CDH13: variants seen among roughly 807,000 people sequenced by gnomAD.
The protein encoded by CDH13 is cadherin 13.
Under a neutral mutation model 63.8 loss-of-function variants are expected in CDH13, and 24 were observed. The observed-to-expected ratio is 0.38, with a 90% confidence interval of 0.27 to 0.53. The LOEUF (loss-of-function observed/expected upper bound fraction) is 0.53. Among genes scored for constraint, CDH13 ranks in the 20% least tolerant of loss-of-function variants. CDH13 has a pLI of 0.85. For missense variants in CDH13, 1,049 were observed against 903.1 expected (o/e 1.16, Z -2.07); for synonymous variants, 503 against 355.3 (o/e 1.42, Z -4.67).
intron 1 of CDH13, among the ~76,000 whole-genome samples, chr16:82,755,375 C>G (rs1479023961): frequency 6.6e-6 from 1 of 152,170 alleles, no homozygotes; most frequent in African/African-American, 2.4e-5. Context: ...ACAAAGGAAA[C>G]TGCTTAAGCA....
intron 4 of CDH13, among the ~76,000 whole-genome samples, chr16:83,211,796 A>G (rs1446994627): frequency 6.6e-6 from 1 of 151,620 alleles, no homozygotes; most frequent in African/African-American, 2.4e-5. Context: ...CTCTTTACCC[A>G]GGTATGAGGC....
chr16:82,938,119 C>T (rs991605012), intron 2 of CDH13, among the ~76,000 whole-genome samples: 1 of 152,172 alleles, frequency 6.6e-6, no homozygotes, highest in Non-Finnish European at 1.5e-5. Flanking sequence ...TTCCACTTGG[C>T]ATTTATTTCT....
chr16:83,025,622 C>G (rs1369935177), intron 2 of CDH13, among the ~76,000 whole-genome samples: 3 of 152,170 alleles, frequency 2.0e-5, no homozygotes, highest in Admixed American at 6.5e-5. Context: ...TTGGTGGGGA[C>G]ACAGCCAAAC....
intron 3 of CDH13, among the ~76,000 whole-genome samples, chr16:83,032,761 T>A (rs916284166): frequency 7.9e-5 from 12 of 152,184 alleles, no homozygotes; most frequent in Non-Finnish European, 1.6e-4. Context: ...GTCACATTTC[T>A]TTTCCTGAAG....
intron 7 of CDH13, among the ~76,000 whole-genome samples, chr16:83,507,927 G>A (rs959559576): frequency 1.3e-5 from 2 of 151,500 alleles, no homozygotes; most frequent in Non-Finnish European, 2.9e-5. Context: ...AGCTACTCAG[G>A]AGGCTGAAGC....
chr16:82,774,503 C>A (rs564686189), intron 1 of CDH13, among the ~76,000 whole-genome samples: 1 of 152,146 alleles, frequency 6.6e-6, no homozygotes, highest in Admixed American at 6.5e-5. Flanking sequence ...ACTGTGTATT[C>A]TTTAGGAGGT....
chr16:82,732,736 C>T (rs1024867753), intron 1 of CDH13, among the ~76,000 whole-genome samples: 4 of 152,152 alleles, frequency 2.6e-5, no homozygotes, highest in Non-Finnish European at 4.4e-5. Context: ...TACTATTATT[C>T]ATACATATTT....
chr16:83,125,195 A>C (rs1259977284), intron 3 of CDH13, among the ~76,000 whole-genome samples, 190 bp from the exon 4 acceptor site: 1 of 152,224 alleles, frequency 6.6e-6, no homozygotes, highest in African/African-American at 2.4e-5. Flanking sequence ...TGATAGTTAT[A>C]GTGAATAACA....
intron 11 of CDH13, among the ~76,000 whole-genome samples, chr16:83,778,783 C>T (rs906348969): frequency 6.6e-6 from 1 of 152,132 alleles, no homozygotes; most frequent in East Asian, 1.9e-4. Context: ...ATCCCAGCCC[C>T]CAGTGGCACC....
At chr16:83,060,936 C>G (rs2031488131) in intron 3 of CDH13, among the ~76,000 whole-genome samples, 1 of 152,332 alleles carries the variant, frequency 6.6e-6, no homozygotes, top group East Asian at 1.9e-4. Context: ...AAGCATGCCT[C>G]TGTCAACCAG....
intron 8 of CDH13, among the ~76,000 whole-genome samples, chr16:83,650,660 A>G (rs1373720522): frequency 6.6e-6 from 1 of 152,160 alleles, no homozygotes; most frequent in Non-Finnish European, 1.5e-5. Context: ...GCTGCTCAGC[A>G]TCTCCCAATG....
chr16:83,471,987 T>C (rs1002426470), intron 6 of CDH13, among the ~76,000 whole-genome samples: 3 of 152,254 alleles, frequency 2.0e-5, no homozygotes, highest in Non-Finnish European at 2.9e-5. Context: ...CTTGCTTTCA[T>C]TGAAGACTTC....
chr16:83,211,484 A>G (rs577310811), intron 4 of CDH13, among the ~76,000 whole-genome samples: 1 of 152,350 alleles, frequency 6.6e-6, no homozygotes, highest in South Asian at 2.1e-4. Flanking sequence ...CAAAGCTGCT[A>G]TATAGTCTAT....
intron 6 of CDH13, among the ~76,000 whole-genome samples, chr16:83,464,591 C>G (rs1003659938): frequency 1.3e-5 from 2 of 152,092 alleles, no homozygotes; most frequent in Non-Finnish European, 2.9e-5. Flanking sequence ...AACTCCTGAC[C>G]TCAGGTGATC....
rs1567677345 is a variant in CDH13, at chr16:83,445,241, T to TTTTATAATTTATAAAACGTTTTATAAA, written c.782-41234_782-41233insTATAATTTATAAAACGTTTTATAAATT. 5.3e-5 allele frequency among the ~76,000 whole-genome samples: 3 copies of TTTTATAATTTATAAAACGTTTTATAAA among 56,528 alleles called. 1 individual carries two copies. The highest frequency in any genetic ancestry group is 1.3e-4 in the Non-Finnish European group (3 of 22,358). 37.1% of individuals were successfully genotyped at this position (56,528 alleles called of 152,430 possible). ...AAACTGAGGCTGCGAGAGTTTATAA[T>TTTTATAATTTATAAAACGTTTTATAAA]TTATAAAAGCTTTTATAATTTATAA... On this transcript the variant is annotated intron_variant, in intron 6 of 13. Transcript: ENST00000567109.
intron 1 of CDH13, among the ~76,000 whole-genome samples, chr16:82,794,180 T>A (rs1184786995): frequency 6.7e-6 from 1 of 149,154 alleles, no homozygotes; most frequent in East Asian, 1.9e-4. Flanking sequence ...TTTCTTTTCT[T>A]TTCTTTTTTT....
chr16:83,593,341 C>T (rs1180704424), intron 7 of CDH13, among the ~76,000 whole-genome samples: 1 of 152,178 alleles, frequency 6.6e-6, no homozygotes, highest in East Asian at 1.9e-4. Flanking sequence ...CCTTCCTTGA[C>T]TCCTAGAGCA....
At chr16:83,417,127 G>A (rs2071573578) in intron 6 of CDH13, among the ~76,000 whole-genome samples, 2 of 152,152 alleles carry the variant, frequency 1.3e-5, no homozygotes, top group South Asian at 2.1e-4. Context: ...GGAAAAGAGA[G>A]GTTAATTAGC....
At chr16:82,930,125 A>G (rs980481267) in intron 2 of CDH13, among the ~76,000 whole-genome samples, 2 of 145,400 alleles carry the variant, frequency 1.4e-5, no homozygotes, top group African/African-American at 5.0e-5. Flanking sequence ...GCTCACTACA[A>G]CCTCTGCCTC....
Sources: allele counts gnomAD v4.1 joint callset (sites outside exome capture counted in the v4.1 genomes callset), GRCh38; gene constraint gnomAD v4.1.1; transcripts MANE v1.5; gene names NCBI Gene and HGNC (gene_info 2026-07-23, HGNC 2026-07-21).